DLGAP1: variants seen among roughly 807,000 people sequenced by gnomAD.
The protein encoded by DLGAP1 is disks large-associated protein 1.
In DLGAP1, 11 loss-of-function variants were observed where a neutral mutation model predicts 90.8. That is an observed-to-expected ratio of 0.12 (90% CI 0.08 to 0.20). The LOEUF (loss-of-function observed/expected upper bound fraction) is 0.20, where lower values mean the gene tolerates loss of function less well. Among genes scored for constraint, DLGAP1 ranks in the 10% least tolerant of loss-of-function variants. The pLI is 1.00. For missense variants in DLGAP1, 1,050 were observed against 1,333.8 expected, an observed-to-expected ratio of 0.79 and a Z score of 3.31; for synonymous variants, 558 against 540.7, an observed-to-expected ratio of 1.03 and a Z score of -0.44.
rs1020718297 is a variant in DLGAP1 at position 3,635,657 on chromosome 18, C to T, written c.1592-53409G>A. On this transcript the variant is annotated intron_variant, in intron 7 of 12. Coordinates refer to ENST00000315677, the MANE Select transcript of DLGAP1 (RefSeq NM_004746.4). ...CAGTCAGTTACTTGCTAACAACTTCCTTATGTTTAACCCAATTCTCTCTTG... is the reference window on the plus strand; with the variant it reads ...CAGTCAGTTACTTGCTAACAACTTCTTTATGTTTAACCCAATTCTCTCTTG... Among the ~76,000 whole-genome samples the T allele has an allele frequency of 2.2e-4, 34 of 151,644 alleles. 1 individual carries two copies. The highest frequency in any genetic ancestry group is 8.2e-4 in the African/African-American group (34 of 41,308).
intron 4 of DLGAP1, among the ~76,000 whole-genome samples, chr18:3,856,777 C>T (rs958065956): frequency 1.8e-4 from 27 of 151,918 alleles, no homozygotes; most frequent in Middle Eastern, 3.4e-3. Flanking sequence ...AGGATAATGG[C>T]GTGAACCTGG....
At chr18:4,004,330 A>C (rs998388448) in intron 3 of DLGAP1, among the ~76,000 whole-genome samples, 3 of 151,808 alleles carry the variant, frequency 2.0e-5, no homozygotes, top group Non-Finnish European at 4.4e-5. Context: ...GACAGAGCAC[A>C]TGATATAAGT....
Position 4,084,474 on chromosome 18 carries a change from C to T in DLGAP1, c.-159+66706G>A, listed in dbSNP as rs1183181471. 1.3e-5 allele frequency among the ~76,000 whole-genome samples: 2 copies of T among 152,174 alleles called. No homozygotes were observed. Among genetic ancestry groups the T allele is most frequent in the Non-Finnish European group, 2.9e-5 (2 of 68,036 alleles). On this transcript the variant is annotated intron_variant, in intron 2 of 12. Coordinates refer to ENST00000315677, the MANE Select transcript of DLGAP1 (RefSeq NM_004746.4). This position sits in a 1 kb window ranked among gnomAD's most constrained non-coding sequence, Gnocchi z 4.0. Reference sequence around the variant, plus strand: ...GAAAAGCACAGAAGCAGGAAAGTCTCTCTGACCTTCTCCTACCCCTTTCTC... The same window carrying T: ...GAAAAGCACAGAAGCAGGAAAGTCTTTCTGACCTTCTCCTACCCCTTTCTC...
chr18:4,062,406 C>G (rs551042566), intron 2 of DLGAP1, among the ~76,000 whole-genome samples: 1 of 152,128 alleles, frequency 6.6e-6, no homozygotes, highest in Non-Finnish European at 1.5e-5. Flanking sequence ...TACAGGGTAC[C>G]TGATTTGTGG....
At chr18:3,894,098 G>T (rs1174370436) in intron 3 of DLGAP1, among the ~76,000 whole-genome samples, 1 of 152,090 alleles carries the variant, frequency 6.6e-6, no homozygotes, top group African/African-American at 2.4e-5. Context: ...AGTTGCTTGA[G>T]TTCCTTGTAT....
chr18:3,638,636 TA>T (rs2146283212), intron 7 of DLGAP1, among the ~76,000 whole-genome samples: 1 of 152,328 alleles, frequency 6.6e-6, no homozygotes, highest in Non-Finnish European at 1.5e-5. Context: ...GATGACATCT[TA>T]ATGAGATATT....
intron 1 of DLGAP1, among the ~76,000 whole-genome samples, chr18:4,178,208 C>A (rs1415437482): frequency 9.3e-6 from 1 of 107,904 alleles, no homozygotes; most frequent in African/African-American, 4.3e-5. Context: ...AATAAACACA[C>A]ACACACACAC....
intron 9 of DLGAP1, among the ~76,000 whole-genome samples, chr18:3,550,737 T>C (rs2053348422): frequency 7.6e-6 from 1 of 131,778 alleles, no homozygotes; most frequent in African/African-American, 3.0e-5. Context: ...CCAGACCCTT[T>C]TTTTTTTTTT....
chr18:3,581,834 T>C (rs751134215), intron 8 of DLGAP1, 41 bp downstream of exon 8: 1 of 1,600,342 alleles, frequency 6.2e-7, no homozygotes, highest in East Asian at 2.2e-5. Context: ...ATTCCTTAGT[T>C]TTAAGTTCCT....
At chr18:3,750,179 G>A (rs1400198587) in intron 5 of DLGAP1, among the ~76,000 whole-genome samples, 1 of 152,126 alleles carries the variant, frequency 6.6e-6, no homozygotes, top group Non-Finnish European at 1.5e-5. Flanking sequence ...TCATGTCTGC[G>A]TGTACCCACT....
At chr18:3,690,011 A>AT (rs34963311) in intron 7 of DLGAP1, among the ~76,000 whole-genome samples, 59,417 of 144,318 alleles carry the variant, frequency 0.41, 12,292 homozygotes, top group East Asian at 0.53. Context: ...CTTGATTCCC[A>AT]TTTTTTTTTT....
chr18:3,780,904 G>C (rs536700494), intron 5 of DLGAP1, among the ~76,000 whole-genome samples: 4 of 152,072 alleles, frequency 2.6e-5, no homozygotes, highest in African/African-American at 9.6e-5. Context: ...CGAATTCCTG[G>C]GCTCAAGTGA....
intron 2 of DLGAP1, among the ~76,000 whole-genome samples, chr18:4,143,558 G>A (rs2076531203): frequency 6.6e-6 from 1 of 151,900 alleles, no homozygotes; most frequent in Non-Finnish European, 1.5e-5. Context: ...TGCCAGTCAA[G>A]AGACAAGGCC....
chr18:3,621,968 C>T (rs1008431672), intron 7 of DLGAP1, among the ~76,000 whole-genome samples: 4 of 151,982 alleles, frequency 2.6e-5, no homozygotes, highest in Non-Finnish European at 5.9e-5. Flanking sequence ...CCTATCTCTA[C>T]AAAATAAATA....
In DLGAP1 at chr18:4,181,004, G is replaced by C. The variant is rs566545475; in HGVS notation, c.-266-29717C>G. 1.7e-4 allele frequency among the ~76,000 whole-genome samples: 26 copies of C among 152,164 alleles called. 2 individuals are homozygous for C. The highest frequency in any genetic ancestry group is 3.1e-4 in the African/African-American group (13 of 41,510). On this transcript the variant is annotated intron_variant, in intron 1 of 12. Coordinates refer to ENST00000315677, the MANE Select transcript of DLGAP1 (RefSeq NM_004746.4). ...TACTAATGGACAGAGATACTGATGGGTTTGAGCAAAAATAAAATAATATTC... is the reference window on the plus strand; with the variant it reads ...TACTAATGGACAGAGATACTGATGGCTTTGAGCAAAAATAAAATAATATTC...
intron 2 of DLGAP1, among the ~76,000 whole-genome samples, chr18:4,122,779 G>T (rs1428722212): frequency 6.6e-6 from 1 of 152,144 alleles, no homozygotes; most frequent in African/African-American, 2.4e-5. Flanking sequence ...GCGAGACTTT[G>T]TCTACTCCTT....
At chr18:4,299,832 G>C (rs991494178) in intron 1 of DLGAP1, among the ~76,000 whole-genome samples, 5 of 152,008 alleles carry the variant, frequency 3.3e-5, no homozygotes, top group Non-Finnish European at 7.4e-5. Context: ...ATGTATAAAA[G>C]TGATGTTTTT....
chr18:3,797,910 C>T (rs746400214), intron 5 of DLGAP1, among the ~76,000 whole-genome samples: 25 of 152,120 alleles, frequency 1.6e-4, no homozygotes, highest in Admixed American at 3.3e-4. Context: ...AGGGCAGGTT[C>T]CCCCATACTG....
intron 7 of DLGAP1, among the ~76,000 whole-genome samples, chr18:3,644,479 T>C (rs2059050227): frequency 6.6e-6 from 1 of 151,952 alleles, no homozygotes; most frequent in African/African-American, 2.4e-5. Flanking sequence ...GGCGCGATCT[T>C]GGCTCACTGC....
Sources: gnomAD v4.1 joint callset for allele counts (sites outside exome capture counted in the v4.1 genomes callset) on GRCh38, gnomAD v4.1.1 for gene constraint, Gnocchi (gnomAD v3.1) non-coding constraint, MANE v1.5 for transcripts, NCBI Gene and HGNC (gene_info 2026-07-23, HGNC 2026-07-21) for gene names.